Variants in PARP11 observed in about 807,000 individuals in gnomAD.
The protein encoded by PARP11 is poly(ADP-ribose) polymerase family member 11, also known as protein mono-ADP-ribosyltransferase PARP11.
Under a neutral mutation model 42.9 loss-of-function variants are expected in PARP11, and 31 were observed. That is an observed-to-expected ratio of 0.72 (90% CI 0.54 to 0.98). PARP11 has a LOEUF of 0.98. PARP11 is among the 50% of genes least tolerant of loss of function. The pLI, the probability that PARP11 is intolerant of heterozygous loss-of-function variation, is 0.00. For missense variants in PARP11, 365 were observed against 413.1 expected, an observed-to-expected ratio of 0.88 and a Z score of 1.01; for synonymous variants, 137 against 127.3, an observed-to-expected ratio of 1.08 and a Z score of -0.51.
chr12:3,828,372 C>T (rs567004224), intron 3 of PARP11, among the ~76,000 whole-genome samples: 8 of 151,892 alleles, frequency 5.3e-5, no homozygotes, highest in East Asian at 1.9e-4. Flanking sequence ...CATGATGAAA[C>T]GCTGTCTCTA....
Position 3,841,985 on chromosome 12 carries a change from A to C in PARP11, c.19-11967T>G, listed in dbSNP as rs1176077524. On this transcript the variant is annotated intron_variant, in intron 1 of 7. Transcript: ENST00000228820. ...AGTAAGCCAGACGAAGGCCGGACAG[A>C]GCAATCTTCCCAGACACGAAAGGCA... is the stretch of plus-strand genomic sequence containing the variant. 2.5e-6 allele frequency: 4 copies of C among 1,610,950 alleles called. No individual in the cohort carries two copies. The African/African-American group carries it at 4.0e-5, about 16-fold the overall frequency.
At chr12:3,836,763 G>A (rs1029990730) in intron 1 of PARP11, among the ~76,000 whole-genome samples, 1 of 152,180 alleles carries the variant, frequency 6.6e-6, no homozygotes, top group Non-Finnish European at 1.5e-5. Context: ...GGGAGAGACA[G>A]TTCCCAGGGA....
intron 7 of PARP11, 85 bp downstream of exon 7, chr12:3,813,952 G>A (rs1947232057): frequency 1.0e-6 from 1 of 974,084 alleles, no homozygotes; most frequent in Admixed American, 2.6e-5. Context: ...TTGCCATAAA[G>A]CAGTTCATAT....
At chr12:3,867,204 A>G (rs890744197) in intron 1 of PARP11, among the ~76,000 whole-genome samples, 3 of 152,354 alleles carry the variant, frequency 2.0e-5, no homozygotes, top group Admixed American at 6.5e-5. Flanking sequence ...GATTCTTTAT[A>G]TGAAACAGGA....
chr12:3,873,295 A>AC lies in PARP11; in HGVS notation c.-67_-66insG. 8.4e-7 allele frequency: 1 copy of AC among 1,192,640 alleles called. No individual in the cohort carries two copies. The highest frequency in any genetic ancestry group is 1.1e-6 in the Non-Finnish European group (1 of 878,514). 73.9% of individuals were successfully genotyped at this position (1,192,640 alleles called of 1,614,324 possible). On this transcript the variant is annotated 5_prime_UTR_variant, in exon 1 of 8. Transcript: ENST00000228820. ...GCTAGCCGCGGGGCCTGGGTGTTGG[A>AC]TTTTTTTTTTTCCCGCGGGTCCCCG...
chr12:3,861,649 A>G lies in PARP11; in HGVS notation c.18+11563T>C, dbSNP rs1216481319. The stretch of plus-strand genomic sequence containing the variant: ...TCATTCTCCTAGAAGCATGTTTTCA[A>G]CAGCAGAAGTTTTTAATTTTGATAA... On this transcript the variant is annotated intron_variant, in intron 1 of 7. Transcript: ENST00000228820. The surrounding 1 kb of genome is among the most constrained non-coding windows in gnomAD (Gnocchi z 4.6). 6.6e-6 allele frequency among the ~76,000 whole-genome samples: 1 copy of G among 152,122 alleles called. No individual in the cohort carries two copies. The highest frequency in any genetic ancestry group is 2.4e-5 in the African/African-American group (1 of 41,422).
rs1409050353 is a variant in PARP11 at position 3,814,035 on chromosome 12, A to G, written c.700+2T>C. Reference sequence around the variant, plus strand: ...AATTGGACCTGGAATTCTGATAATTACCTTTTCCAAAGACAGCACCATGTA... The same window carrying G: ...AATTGGACCTGGAATTCTGATAATTGCCTTTTCCAAAGACAGCACCATGTA... On this transcript the variant is annotated splice_donor_variant, in intron 7 of 7. Coordinates refer to ENST00000228820, the MANE Select transcript of PARP11 (RefSeq NM_020367.6). LOFTEE classifies it high-confidence loss of function. 1.3e-6 allele frequency: 2 copies of G among 1,545,750 alleles called. No homozygotes were observed. Among genetic ancestry groups the G allele is most frequent in the Admixed American group, 1.8e-5 (1 of 55,272 alleles).
intron 4 of PARP11, among the ~76,000 whole-genome samples, chr12:3,825,904 A>G (rs1038287774): frequency 2.0e-5 from 3 of 151,596 alleles, no homozygotes; most frequent in Non-Finnish European, 4.4e-5. Context: ...TTTTTTTTGT[A>G]TTTTTAGTAG....
intron 1 of PARP11, among the ~76,000 whole-genome samples, chr12:3,851,533 G>GC (rs1948095093): frequency 6.6e-6 from 1 of 152,258 alleles, no homozygotes; most frequent in Non-Finnish European, 1.5e-5. Context: ...AGATCAAACT[G>GC]CAAGGCAGCA....
At chr12:3,844,168 T>C (rs1947952179) in intron 1 of PARP11, among the ~76,000 whole-genome samples, 1 of 152,186 alleles carries the variant, frequency 6.6e-6, no homozygotes, top group Admixed American at 6.5e-5. Flanking sequence ...TGAGTAGTGA[T>C]TAGCATTTAG....
chr12:3,839,990 A>G, intron 1 of PARP11: 1 of 1,553,356 alleles, frequency 6.4e-7, no homozygotes. Flanking sequence ...TCAGGCAACG[A>G]GCAGCTGAAG....
intron 1 of PARP11, among the ~76,000 whole-genome samples, chr12:3,837,860 G>T (rs965006518): frequency 6.6e-6 from 1 of 151,180 alleles, no homozygotes; most frequent in African/African-American, 2.4e-5. Context: ...AGATAAAGAA[G>T]GTCAATAAAT....
At chr12:3,834,547 C>A (rs1188006396) in intron 1 of PARP11, among the ~76,000 whole-genome samples, 1 of 148,644 alleles carries the variant, frequency 6.7e-6, no homozygotes, top group Non-Finnish European at 1.5e-5. Context: ...GAGAAGAGAA[C>A]TGATTGAACC....
intron 1 of PARP11, among the ~76,000 whole-genome samples, chr12:3,830,548 G>GT (rs1850755689): frequency 6.6e-6 from 1 of 152,140 alleles, no homozygotes; most frequent in Non-Finnish European, 1.5e-5. Flanking sequence ...CTGTATCTGT[G>GT]TAAGTGTATG....
chr12:3,859,595 A>G (rs116788805), intron 1 of PARP11, among the ~76,000 whole-genome samples: 1,631 of 151,616 alleles, frequency 0.011, 33 homozygotes, highest in African/African-American at 0.037. Flanking sequence ...GTAAATAATA[A>G]TATAACATGC....
chr12:3,857,800 T>G (rs1448988381), intron 1 of PARP11, among the ~76,000 whole-genome samples: 2 of 152,154 alleles, frequency 1.3e-5, no homozygotes, highest in African/African-American at 4.8e-5. Context: ...CAGCTGAAAT[T>G]CCCATAAAAA....
chr12:3,867,606 T>A (rs904757882), intron 1 of PARP11, among the ~76,000 whole-genome samples: 1 of 152,202 alleles, frequency 6.6e-6, no homozygotes, highest in Non-Finnish European at 1.5e-5. Flanking sequence ...TTTTTCAAAG[T>A]CACCAAGCTA....
At position 3,828,897 on chromosome 12, in the gene PARP11, G is replaced by C; in HGVS notation, c.268+13C>G. The stretch of plus-strand genomic sequence containing the variant: ...ATACTAAAAACACACAACTATTAGG[G>C]AAAAAAACATACCTGCAAAGTCTAT... On this transcript the variant is annotated intron_variant, in intron 3 of 7. Transcript: ENST00000228820. 2 of 1,611,764 alleles carry C rather than the reference G, an allele frequency of 1.2e-6. No homozygotes were observed. Among genetic ancestry groups the C allele is most frequent in the Non-Finnish European group, 1.7e-6 (2 of 1,178,492 alleles).
At chr12:3,850,635 C>T (rs549969193) in intron 1 of PARP11, among the ~76,000 whole-genome samples, 2 of 151,970 alleles carry the variant, frequency 1.3e-5, no homozygotes, top group Non-Finnish European at 2.9e-5. Context: ...TATCTATGTG[C>T]ATTACTGTGT....
Sources: allele counts gnomAD v4.1 joint callset (sites outside exome capture counted in the v4.1 genomes callset), GRCh38; gene constraint gnomAD v4.1.1; non-coding constraint Gnocchi (gnomAD v3.1); transcripts MANE v1.5; gene names NCBI Gene and HGNC (gene_info 2026-07-23, HGNC 2026-07-21).